The following CC2D1B variants were observed in gnomAD, a reference collection of about 807,000 sequenced individuals.
The protein encoded by CC2D1B is coiled-coil and C2 domain-containing protein 1B.
CC2D1B carries 92 observed loss-of-function variants against 110.8 expected under a neutral mutation model. The observed-to-expected ratio is 0.83, with a 90% CI of 0.70 to 0.99. The LOEUF (loss-of-function observed/expected upper bound fraction) is 0.99. CC2D1B is among the 50% of genes least tolerant of loss of function. The pLI is 0.00. For missense variants in CC2D1B, 1,136 were observed against 1,089.0 expected (o/e 1.04, Z -0.61); for synonymous variants, 406 against 429.2 (o/e 0.95, Z 0.67).
chr1:52,357,559 C>A lies in CC2D1B; in HGVS notation c.1719G>T (p.Gln573His), dbSNP rs78400897. The A allele has an allele frequency of 1.1e-4, 181 of 1,582,224 alleles. 1 individual carries two copies. The East Asian group carries it at 4.1e-3, about 36-fold the overall frequency. ...GATCAACAGGTCTGCCAGATCGGGC[C>A]TGGATGATCTGAGCCTCAAGCCATT... ...VAKWLEAQIIQARSGRPVDLS... is the reference protein window; with the variant it reads ...VAKWLEAQIIHARSGRPVDLS... The change falls in exon 15 of 25, where the codon CAG becomes CAT. Residue 573 changes from glutamine to histidine, a missense_variant. Transcript: ENST00000284376.
At chr1:52,354,425 A>G (rs1646597368) in intron 23 of CC2D1B, 183 bp downstream of exon 23, 3 of 713,040 alleles carry the variant, frequency 4.2e-6, no homozygotes, top group Non-Finnish European at 7.6e-6. Flanking sequence ...TCCCTCTGTG[A>G]GATTTCTCAG....
Position 52,356,314 on chromosome 1 carries a change from G to A in CC2D1B, c.1938-12C>T. 6.2e-7 allele frequency: 1 copy of A among 1,613,434 alleles called. No individual in the cohort carries two copies. The highest frequency in any genetic ancestry group is 8.5e-7 in the Non-Finnish European group (1 of 1,179,302). ...CAAGCTTCTCAAATCTGACAGGGATGGGTATGTCAGCATGATGGTGGATTT... is the reference window on the plus strand; with the variant it reads ...CAAGCTTCTCAAATCTGACAGGGATAGGTATGTCAGCATGATGGTGGATTT... On this transcript the variant is annotated splice_polypyrimidine_tract_variant and intron_variant, in intron 17 of 24. Coordinates refer to ENST00000284376, the MANE Select transcript of CC2D1B (RefSeq NM_001330585.2).
intron 22 of CC2D1B, 33 bp from the exon 23 acceptor site, chr1:52,354,731 T>G: frequency 6.2e-7 from 1 of 1,611,384 alleles, no homozygotes; most frequent in Non-Finnish European, 8.5e-7. Flanking sequence ...AGGATTGGAC[T>G]GGGCAGGGAA....
chr1:52,362,850 A>G (rs943713967), intron 2 of CC2D1B, 104 bp from the exon 3 acceptor site: 1 of 1,161,722 alleles, frequency 8.6e-7, no homozygotes, highest in Non-Finnish European at 1.2e-6. Context: ...TGGCTCCTTC[A>G]GTCTGTGAGG....
rs1219776452 is a variant in CC2D1B at position 52,363,094 on chromosome 1, G to A, written c.70-348C>T. Among the ~76,000 whole-genome samples, 3 of 152,178 alleles carry A rather than the reference G, an allele frequency of 2.0e-5. No individual in the cohort carries two copies. The East Asian group carries it at 5.8e-4, about 29-fold the overall frequency. ...CCTCAGTTAATTCTCACAATTCTGA[G>A]AAGAAGGTCCTATTTTTTGGCCAGG... On this transcript the variant is annotated intron_variant, in intron 2 of 24. Coordinates refer to ENST00000284376, the MANE Select transcript of CC2D1B (RefSeq NM_001330585.2).
intron 2 of CC2D1B, among the ~76,000 whole-genome samples, chr1:52,363,741 C>A (rs940762019): frequency 6.0e-5 from 9 of 150,308 alleles, no homozygotes; most frequent in African/African-American, 2.0e-4. Flanking sequence ...AGTGCAGTGG[C>A]ACTATCTTGG....
chr1:52,357,931 T>G, intron 13 of CC2D1B, 33 bp from the exon 14 acceptor site: 1 of 1,529,864 alleles, frequency 6.5e-7, no homozygotes, highest in Non-Finnish European at 8.7e-7. Context: ...TAGGAGGGGA[T>G]GTGTTCCCTA....
In CC2D1B at chr1:52,353,181, T is replaced by A. The variant is rs780563786; in HGVS notation, c.*44A>T. 6.0e-6 allele frequency: 8 copies of A among 1,324,050 alleles called. No homozygotes were observed. The African/African-American group carries it at 1.0e-4, about 17-fold the overall frequency. The allele number at this position is 1,324,050 out of a possible 1,614,324, so 82.0% of individuals were successfully genotyped here. On this transcript the variant is annotated 3_prime_UTR_variant, in exon 25 of 25. Transcript: ENST00000284376. ...CAGCAAAGCTGGGAAAGTCATCTCCTGCACAGTCGCGGCCTGACTCCTCTC... is the reference window on the plus strand; with the variant it reads ...CAGCAAAGCTGGGAAAGTCATCTCCAGCACAGTCGCGGCCTGACTCCTCTC...
Position 52,357,670 on chromosome 1 carries a change from TG to T in CC2D1B, c.1607del (p.Ala536AspfsTer28), listed in dbSNP as rs1227089051. 6.2e-7 allele frequency: 1 copy of T among 1,603,556 alleles called. No homozygotes were observed. The highest frequency in any genetic ancestry group is 1.7e-5 in the Admixed American group (1 of 58,316). On this transcript the variant is annotated frameshift_variant, in exon 15 of 25. Transcript: ENST00000284376. LOFTEE classifies it high-confidence loss of function. Reference protein sequence around the residue: ...SVREQLALLEARKLQYQRAAL... With the variant: ...SVREQLALLEXRKLQYQRAAL... ...CTGCCCGCTGATACTGCAGTTTCCG[TG>T]CCTCCAGCAGTGCCAGCTGCTCCCG...
chr1:52,358,990 G>A (rs771414932), intron 11 of CC2D1B, 37 bp downstream of exon 11: 2 of 1,597,756 alleles, frequency 1.3e-6, no homozygotes, highest in South Asian at 1.1e-5. Context: ...CAGGGAAGAG[G>A]CCAGCACAGG....
chr1:52,358,409 T>C lies in CC2D1B; in HGVS notation c.1383A>G (p.Ala461=), dbSNP rs779057447. The part of the protein sequence containing the change: ...LESTMGVEED[A]VAATLAAAEK... ...CTGCAGCTGCCAATGTCGCTGCCAC[T>C]GCGTCCTCCTCAACACCCATAGTGG... The change falls in exon 13 of 25, where the codon GCA becomes GCG. Residue 461 remains alanine, a synonymous_variant. Coordinates refer to ENST00000284376, the MANE Select transcript of CC2D1B (RefSeq NM_001330585.2). The C allele has an allele frequency of 6.2e-7, 1 of 1,614,128 alleles. No homozygotes were observed. The highest frequency in any genetic ancestry group is 8.5e-7 in the Non-Finnish European group (1 of 1,180,032).
rs576965426 is a variant in CC2D1B at position 52,356,412 on chromosome 1, G to C, written c.1909C>G (p.His637Asp). The change falls in exon 17 of 25, where the codon CAC becomes GAC. Residue 637 changes from histidine to aspartate, a missense_variant. Coordinates refer to ENST00000284376, the MANE Select transcript of CC2D1B (RefSeq NM_001330585.2). Reference protein sequence around the residue: ...KCLLFSKQFMHQGNVAETTRF... With the variant: ...KCLLFSKQFMDQGNVAETTRF... ...GTGGTCTCAGCCACGTTGCCCTGGT[G>C]CATGAACTGCTTGGAGAACAGCAGG... 2 of 1,614,250 alleles carry C rather than the reference G, an allele frequency of 1.2e-6. No individual in the cohort carries two copies. Among genetic ancestry groups the C allele is most frequent in the Admixed American group, 3.3e-5 (2 of 60,026 alleles).
Position 52,351,792 on chromosome 1 carries a change from G to A in CC2D1B, c.*1433C>T, listed in dbSNP as rs1253247678. On this transcript the variant is annotated 3_prime_UTR_variant, in exon 25 of 25. Transcript: ENST00000284376. Reference sequence around the variant, plus strand: ...CCAGCTACTCAGGAGACTGACACAGGAGAATCGCTTGAACCTGGGAGGTGG... The same window carrying A: ...CCAGCTACTCAGGAGACTGACACAGAAGAATCGCTTGAACCTGGGAGGTGG... The A allele has an allele frequency of 6.6e-6, 1 of 151,372 alleles. No homozygotes were observed. The highest frequency in any genetic ancestry group is 6.6e-5 in the Admixed American group (1 of 15,164). The allele number at this position is 151,372 out of a possible 1,614,324, so 9.4% of individuals were successfully genotyped here. A position where few individuals can be genotyped will look rare whatever the true frequency, so the allele number is the denominator to read the frequency against.
chr1:52,358,228 A>T, intron 13 of CC2D1B, 103 bp downstream of exon 13: 1 of 1,472,242 alleles, frequency 6.8e-7, no homozygotes. Context: ...TGGAGGAAAG[A>T]ATATGTACCT....
chr1:52,353,528 C>T lies in CC2D1B; in HGVS notation c.2550G>A (p.Arg850=). ...VTENWLVLEP[R]GL ...CAGAGAGCTGCCCACCTCACAAGCC[C>T]CTGGGCTCCAGAACCAGCCAGTTCT... Residue 850 remains arginine, a synonymous_variant, in exon 24 of 25, where the codon AGG becomes AGA. Coordinates refer to ENST00000284376, the MANE Select transcript of CC2D1B (RefSeq NM_001330585.2). The T allele has an allele frequency of 6.2e-7, 1 of 1,613,062 alleles. No homozygotes were observed. The highest frequency in any genetic ancestry group is 8.5e-7 in the Non-Finnish European group (1 of 1,179,626).
rs1035968691 is a variant in CC2D1B, at chr1:52,351,908, G to A, written c.*1317C>T. On this transcript the variant is annotated 3_prime_UTR_variant, in exon 25 of 25. Coordinates refer to ENST00000284376, the MANE Select transcript of CC2D1B (RefSeq NM_001330585.2). ...CAAAAAAAAAAAAAAAAAAAAAATC[G>A]GCCAGAGGGCTCATGGGGAAAAAAG... The A allele has an allele frequency of 1.0e-4, 15 of 146,856 alleles. No individual in the cohort carries two copies. Among genetic ancestry groups the A allele is most frequent in the African/African-American group, 2.1e-4 (8 of 38,884 alleles). 9.1% of individuals were successfully genotyped at this position (146,856 alleles called of 1,614,324 possible). A position where few individuals can be genotyped will look rare whatever the true frequency, so the allele number is the denominator to read the frequency against.
Position 52,357,847 on chromosome 1 carries a change from C to G in CC2D1B, c.1513G>C (p.Val505Leu). 6.3e-7 allele frequency: 1 copy of G among 1,590,600 alleles called. No individual in the cohort carries two copies. The stretch of plus-strand genomic sequence containing the variant: ...TCAGGCAGGCGCTGGGATGAAGGGA[C>G]TGTGGGCCGTGCAGGTTTCTTGGCC... ...PVAKKPARPTVPSSQRLPEPR... is the reference protein window; with the variant it reads ...PVAKKPARPTLPSSQRLPEPR... Residue 505 changes from valine to leucine, a missense_variant, in exon 14 of 25, where the codon GTC becomes CTC. Transcript: ENST00000284376.
At chr1:52,361,749 C>G (rs1646787456) in intron 3 of CC2D1B, 133 bp from the exon 4 acceptor site, 1 of 1,135,134 alleles carries the variant, frequency 8.8e-7, no homozygotes. Context: ...TGGAAAACTG[C>G]TCTTCCTTTA....
intron 21 of CC2D1B, 76 bp downstream of exon 21, chr1:52,355,322 G>T: frequency 6.8e-7 from 1 of 1,481,176 alleles, no homozygotes; most frequent in East Asian, 2.3e-5. Flanking sequence ...GGGCATAGAT[G>T]GGAACCCACT....
Sources: allele counts gnomAD v4.1 joint callset (sites outside exome capture counted in the v4.1 genomes callset), GRCh38; gene constraint gnomAD v4.1.1; transcripts MANE v1.5; gene names NCBI Gene and HGNC (gene_info 2026-07-23, HGNC 2026-07-21).